The following CACNA1D variants were observed in gnomAD, a reference collection of about 807,000 sequenced individuals.
CACNA1D encodes the protein calcium voltage-gated channel subunit alpha1 D.
CACNA1D carries 55 observed loss-of-function variants against 257.1 expected under a neutral mutation model. The observed-to-expected ratio is 0.21, with a 90% CI of 0.17 to 0.27. CACNA1D has a LOEUF of 0.27. CACNA1D is among the 10% of genes least tolerant of loss of function. The pLI, the probability that CACNA1D is intolerant of heterozygous loss-of-function variation, is 1.00. For missense variants in CACNA1D, 1,876 were observed against 2,784.0 expected (o/e 0.67, Z 7.34); for synonymous variants, 980 against 1,014.9 (o/e 0.97, Z 0.65).
chr3:53,626,942 G>A (rs138327210), intron 3 of CACNA1D, among the ~76,000 whole-genome samples: 34 of 152,314 alleles, frequency 2.2e-4, no homozygotes, highest in Non-Finnish European at 3.8e-4. Flanking sequence ...GTAAGGGGGC[G>A]TGGGCTGCTC....
intron 29 of CACNA1D, among the ~76,000 whole-genome samples, chr3:53,758,038 G>T (rs2095276703): frequency 6.6e-6 from 1 of 152,160 alleles, no homozygotes; most frequent in Non-Finnish European, 1.5e-5. Context: ...CTTCCTGGTG[G>T]TAGCTCAGTA....
At chr3:53,805,240 C>T (rs776086265) in intron 45 of CACNA1D, 94 bp downstream of exon 45, 8 of 1,232,126 alleles carry the variant, frequency 6.5e-6, no homozygotes, top group Non-Finnish European at 9.4e-6. Flanking sequence ...TGGATGTGTG[C>T]TGCCAGGTCA....
intron 9 of CACNA1D, among the ~76,000 whole-genome samples, chr3:53,705,288 A>G (rs966772883): frequency 1.3e-5 from 2 of 152,158 alleles, no homozygotes; most frequent in Non-Finnish European, 2.9e-5. Context: ...GGCTTTTTCA[A>G]GCTGGGGAAA....
chr3:53,796,341 A>G (rs1463008945), intron 40 of CACNA1D: 2 of 455,950 alleles, frequency 4.4e-6, no homozygotes, highest in African/African-American at 2.0e-5. Context: ...TATCCTGAAG[A>G]TGAATGGCCT....
At chr3:53,505,314 T>C (rs2090793010) in intron 3 of CACNA1D, among the ~76,000 whole-genome samples, 1 of 152,040 alleles carries the variant, frequency 6.6e-6, no homozygotes, top group African/African-American at 2.4e-5. Flanking sequence ...TTTCACCGTG[T>C]TAGCCAGGAT....
intron 25 of CACNA1D, among the ~76,000 whole-genome samples, chr3:53,746,687 T>C (rs538982880): frequency 6.6e-6 from 1 of 152,260 alleles, no homozygotes; most frequent in East Asian, 1.9e-4. Flanking sequence ...TCCCTGGAGG[T>C]GAGCAGCCTG....
At chr3:53,690,912 G>A (rs565964511) in intron 8 of CACNA1D, among the ~76,000 whole-genome samples, 16 of 152,144 alleles carry the variant, frequency 1.1e-4, no homozygotes, top group Admixed American at 2.0e-4. Flanking sequence ...ATTTTAGGTG[G>A]TTCTGCCACC....
chr3:53,498,060 T>C (rs575213508), intron 2 of CACNA1D, among the ~76,000 whole-genome samples: 5 of 152,200 alleles, frequency 3.3e-5, no homozygotes, highest in Non-Finnish European at 7.3e-5. Context: ...TTTTTTTCTC[T>C]GATCAGTGCT....
chr3:53,699,667 C>T (rs1486646149), intron 8 of CACNA1D, among the ~76,000 whole-genome samples: 2 of 152,212 alleles, frequency 1.3e-5, no homozygotes. Context: ...ATAAACCTCA[C>T]CTCTGTCCAC....
At chr3:53,536,717 C>T (rs1373253489) in intron 3 of CACNA1D, among the ~76,000 whole-genome samples, 1 of 152,242 alleles carries the variant, frequency 6.6e-6, no homozygotes, top group Non-Finnish European at 1.5e-5. Flanking sequence ...ACAAAATTCA[C>T]ATTTCAGTTA....
intron 40 of CACNA1D, 128 bp downstream of exon 40, chr3:53,787,080 A>G: frequency 3.2e-6 from 3 of 931,258 alleles, no homozygotes; most frequent in Non-Finnish European, 5.0e-6. Flanking sequence ...GAGATACTAC[A>G]CACTCCCCCA....
intron 5 of CACNA1D, among the ~76,000 whole-genome samples, chr3:53,662,016 A>T (rs1046146948): frequency 4.6e-5 from 7 of 152,162 alleles, no homozygotes; most frequent in African/African-American, 1.7e-4. Context: ...GAAGAAAAGG[A>T]TCAGAGGTTG....
chr3:53,683,289 T>C (rs1169562946), intron 8 of CACNA1D, among the ~76,000 whole-genome samples: 1 of 152,188 alleles, frequency 6.6e-6, no homozygotes, highest in East Asian at 1.9e-4. Context: ...TCAGCTGTAG[T>C]GGAAGGACCT....
intron 40 of CACNA1D, among the ~76,000 whole-genome samples, chr3:53,792,923 G>T (rs1441950617): frequency 2.0e-5 from 3 of 152,234 alleles, no homozygotes; most frequent in Non-Finnish European, 4.4e-5. Context: ...TTAACATCCA[G>T]GAGCTCACAG....
At chr3:53,773,427 C>T (rs924806354) in intron 33 of CACNA1D, 1 of 171,178 alleles carries the variant, frequency 5.8e-6, no homozygotes, top group Non-Finnish European at 1.3e-5. Flanking sequence ...CTGGGCCTGC[C>T]TAACAGAGGA....
At position 53,810,994 on chromosome 3, in the gene CACNA1D, C is replaced by T. The variant is rs138297725; in HGVS notation, c.6193-119C>T. The T allele has an allele frequency of 6.4e-6, 5 of 784,108 alleles. No homozygotes were observed. In the East Asian group the frequency reaches 1.2e-4, roughly 19 times the overall value. The allele number at this position is 784,108 out of a possible 1,614,324, so 48.6% of individuals were successfully genotyped here. A position where few individuals can be genotyped will look rare whatever the true frequency, so the allele number is the denominator to read the frequency against. On this transcript the variant is annotated intron_variant, in intron 47 of 47. Transcript: ENST00000350061. ...ATGAGGTCTAGAAAACATGATTGAGCTGCATCCCCAAAGCACACGGTGCAG... is the reference window on the plus strand; with the variant it reads ...ATGAGGTCTAGAAAACATGATTGAGTTGCATCCCCAAAGCACACGGTGCAG...
chr3:53,595,635 A>T (rs566606952), intron 3 of CACNA1D, among the ~76,000 whole-genome samples: 7 of 151,762 alleles, frequency 4.6e-5, no homozygotes, highest in Non-Finnish European at 1.0e-4. Context: ...CCCCTGCCTG[A>T]CTCTTTTACC....
intron 3 of CACNA1D, among the ~76,000 whole-genome samples, chr3:53,562,068 C>T (rs1005047479): frequency 1.3e-5 from 2 of 152,104 alleles, no homozygotes; most frequent in African/African-American, 2.4e-5. Flanking sequence ...TCATTTTTAC[C>T]ACAGTGAGTA....
chr3:53,653,033 C>T (rs1186355937), intron 4 of CACNA1D, among the ~76,000 whole-genome samples: 1 of 152,142 alleles, frequency 6.6e-6, no homozygotes, highest in Non-Finnish European at 1.5e-5. Flanking sequence ...GGTGGATCAC[C>T]TGAGGTCGGG....
Sources: allele counts gnomAD v4.1 joint callset (sites outside exome capture counted in the v4.1 genomes callset), GRCh38; gene constraint gnomAD v4.1.1; transcripts MANE v1.5; gene names NCBI Gene and HGNC (gene_info 2026-07-23, HGNC 2026-07-21).